NT5DC1: variants seen among roughly 807,000 people sequenced by gnomAD.
NT5DC1 encodes 5'-nucleotidase domain-containing protein 1.
Under a neutral mutation model 59.4 loss-of-function variants are expected in NT5DC1, and 42 were observed. The observed-to-expected ratio is 0.71, with a 90% CI of 0.55 to 0.92. NT5DC1 has a LOEUF of 0.92. Among genes scored for constraint, NT5DC1 ranks in the 40% least tolerant of loss-of-function variants. NT5DC1 has a pLI of 0.00. For missense variants in NT5DC1, 501 were observed against 537.1 expected (o/e 0.93, Z 0.66); for synonymous variants, 172 against 188.1 (o/e 0.91, Z 0.70).
At chr6:116,203,518 A>G (rs115480373) in intron 6 of NT5DC1, among the ~76,000 whole-genome samples, 1,603 of 151,978 alleles carry the variant, frequency 0.011, 33 homozygotes, top group African/African-American at 0.037. Flanking sequence ...ATGCTCCTAT[A>G]ATGTCTCCCT....
chr6:116,142,750 T>C (rs1395136932), intron 6 of NT5DC1, among the ~76,000 whole-genome samples: 1 of 152,152 alleles, frequency 6.6e-6, no homozygotes, highest in Non-Finnish European at 1.5e-5. Flanking sequence ...GGGACTGCTT[T>C]TCTTGTTTCT....
rs1478920708 is a variant in NT5DC1, at chr6:116,245,588, A to G, written c.*1564A>G. ...TCCAGAATGTCACTGGAATATTACA[A>G]TGAGCATAAATAATCAAGCTTAGGA... On this transcript the variant is annotated 3_prime_UTR_variant, in exon 12 of 12. Transcript: ENST00000319550. The G allele has an allele frequency of 2.0e-5, 3 of 152,390 alleles. No homozygotes were observed. Among genetic ancestry groups the G allele is most frequent in the Non-Finnish European group, 4.4e-5 (3 of 68,020 alleles). The allele number at this position is 152,390 out of a possible 1,614,324, so 9.4% of individuals were successfully genotyped here.
chr6:116,145,070 T>A (rs1397127116), intron 6 of NT5DC1, among the ~76,000 whole-genome samples: 3 of 152,194 alleles, frequency 2.0e-5, no homozygotes, highest in African/African-American at 7.2e-5. Context: ...GCCTTTTAAA[T>A]CTAATATATC....
intron 6 of NT5DC1, among the ~76,000 whole-genome samples, chr6:116,164,546 A>G (rs1185907116): frequency 6.6e-6 from 1 of 152,182 alleles, no homozygotes; most frequent in Non-Finnish European, 1.5e-5. Flanking sequence ...CCAATTTGCT[A>G]ATCTATCTCT....
At chr6:116,153,658 T>A (rs1205868243) in intron 6 of NT5DC1, among the ~76,000 whole-genome samples, 1 of 152,150 alleles carries the variant, frequency 6.6e-6, no homozygotes. Flanking sequence ...ATAAAATTGC[T>A]ATTGTTGTCA....
chr6:116,125,661 T>TA, intron 6 of NT5DC1: 1 of 621,506 alleles, frequency 1.6e-6, no homozygotes, highest in Non-Finnish European at 2.7e-6. Flanking sequence ...AGAGATCATT[T>TA]TTTAGTTATG....
chr6:116,125,577 A>G lies in NT5DC1; in HGVS notation c.529+7632A>G, dbSNP rs903116301. ...CTATTTTTTTATTCTCATGTTTCAC[A>G]GATGAGTTCTTTATACAGTTATCTA... On this transcript the variant is annotated intron_variant, in intron 6 of 11. Transcript: ENST00000319550. 7 of 1,401,672 alleles carry G rather than the reference A, an allele frequency of 5.0e-6. No individual in the cohort carries two copies. The African/African-American group carries it at 8.6e-5, about 17-fold the overall frequency. 86.8% of individuals were successfully genotyped at this position (1,401,672 alleles called of 1,614,324 possible).
Position 116,101,104 on chromosome 6 carries a change from C to T in NT5DC1, c.93+81C>T, listed in dbSNP as rs2114892238. On this transcript the variant is annotated intron_variant, in intron 1 of 11. Transcript: ENST00000319550. ...TTGAGTTTCCTCCAGGTTTGGGCAACGGCGGACGCTGCCCGGGGCCTGCGG... is the reference window on the plus strand; with the variant it reads ...TTGAGTTTCCTCCAGGTTTGGGCAATGGCGGACGCTGCCCGGGGCCTGCGG... 5.8e-6 allele frequency: 6 copies of T among 1,035,050 alleles called. No homozygotes were observed. In the South Asian group the frequency reaches 7.6e-5, roughly 13 times the overall value. The allele number at this position is 1,035,050 out of a possible 1,614,324, so 64.1% of individuals were successfully genotyped here. A position where few individuals can be genotyped will look rare whatever the true frequency, so the allele number is the denominator to read the frequency against.
intron 8 of NT5DC1, among the ~76,000 whole-genome samples, chr6:116,232,883 C>G (rs1312392184): frequency 1.3e-5 from 2 of 152,176 alleles, no homozygotes. Context: ...TCCAAGACAG[C>G]TTTAGTTTTA....
chr6:116,108,426 C>G lies in NT5DC1; in HGVS notation c.248C>G (p.Thr83Ser), dbSNP rs1247672362. 1.3e-6 allele frequency: 2 copies of G among 1,597,530 alleles called. No homozygotes were observed. Among genetic ancestry groups the G allele is most frequent in the Non-Finnish European group, 1.7e-6 (2 of 1,165,150 alleles). ...TTCCTTAAACTTGCAAATAATGGCA[C>G]TGTTCTCAGGTAATAAAACTTAGTT... ...GNFLKLANNG[T>S]VLRASHGTKM... Residue 83 changes from threonine (T) to serine (S), a missense_variant, in exon 3 of 12, where the codon ACT becomes AGT. Physicochemically the swap from Thr to Ser is moderately conservative, Grantham distance 58. Transcript: ENST00000319550.
At chr6:116,214,497 T>C (rs1781652274) in intron 6 of NT5DC1, among the ~76,000 whole-genome samples, 2 of 152,120 alleles carry the variant, frequency 1.3e-5, no homozygotes, top group African/African-American at 4.8e-5. Context: ...TCTGGTTTTA[T>C]AGGGGTATTC....
chr6:116,121,727 C>T, intron 6 of NT5DC1: 1 of 1,614,016 alleles, frequency 6.2e-7, no homozygotes, highest in Non-Finnish European at 8.5e-7. Context: ...GCCAGCTGGT[C>T]CAACATCTCC....
intron 6 of NT5DC1, among the ~76,000 whole-genome samples, chr6:116,130,391 A>C (rs960423464): frequency 6.6e-6 from 1 of 152,112 alleles, no homozygotes; most frequent in Non-Finnish European, 1.5e-5. Context: ...ATTTTTGGCC[A>C]GTGAGAGCCT....
chr6:116,175,705 G>T (rs1287046839), intron 6 of NT5DC1, among the ~76,000 whole-genome samples: 2 of 152,118 alleles, frequency 1.3e-5, no homozygotes, highest in African/African-American at 4.8e-5. Flanking sequence ...AGAAGCTGAT[G>T]AACACACCAA....
chr6:116,126,356 G>A (rs1342896829), intron 6 of NT5DC1, among the ~76,000 whole-genome samples: 6 of 151,892 alleles, frequency 4.0e-5, no homozygotes, highest in African/African-American at 1.5e-4. Context: ...ACCAAGGACC[G>A]TCTTTGTCTG....
At chr6:116,159,819 A>G (rs933943402) in intron 6 of NT5DC1, among the ~76,000 whole-genome samples, 3 of 151,884 alleles carry the variant, frequency 2.0e-5, no homozygotes, top group African/African-American at 7.3e-5. Context: ...TATTATTTCC[A>G]TCTTTATGTC....
At chr6:116,234,958 C>T (rs1046881392) in intron 8 of NT5DC1, among the ~76,000 whole-genome samples, 4 of 151,738 alleles carry the variant, frequency 2.6e-5, no homozygotes, top group Non-Finnish European at 5.9e-5. Flanking sequence ...TTAAGGCAGC[C>T]TCCAGTATAG....
At chr6:116,172,833 ATC>A (rs1248966526) in intron 6 of NT5DC1, among the ~76,000 whole-genome samples, 5 of 152,154 alleles carry the variant, frequency 3.3e-5, no homozygotes, top group Admixed American at 2.0e-4. Context: ...CTTTAGGAAA[ATC>A]TACTCTCCTT....
At chr6:116,101,048 C>T (rs893764158) in intron 1 of NT5DC1, 25 bp downstream of exon 1, 2 of 1,522,124 alleles carry the variant, frequency 1.3e-6, no homozygotes, top group Non-Finnish European at 1.8e-6. Flanking sequence ...CTCCGGGGCG[C>T]ACTGCGCGCA....
Sources: gnomAD v4.1 joint callset for allele counts (sites outside exome capture counted in the v4.1 genomes callset) on GRCh38, gnomAD v4.1.1 for gene constraint, MANE v1.5 for transcripts, NCBI Gene and HGNC (gene_info 2026-07-23, HGNC 2026-07-21) for gene names.